The following SBK1 variants were observed in gnomAD, a reference collection of about 807,000 sequenced individuals.
SBK1 encodes SH3 domain binding kinase 1.
SBK1 carries 11 observed loss-of-function variants against 24.4 expected under a neutral mutation model. The ratio of observed to expected loss-of-function variants is 0.45; its 90% CI spans 0.28 to 0.75. The LOEUF is 0.75. SBK1 is among the 30% of genes least tolerant of loss of function. The pLI, the probability that SBK1 is intolerant of heterozygous loss-of-function variation, is 0.12. For missense variants in SBK1, 467 were observed against 620.5 expected (o/e 0.75, Z 2.63); for synonymous variants, 308 against 284.4 (o/e 1.08, Z -0.83).
At chr16:28,273,323 C>G (rs1271669084) in intron 1 of SBK1, among the ~76,000 whole-genome samples, 2 of 151,878 alleles carry the variant, frequency 1.3e-5, no homozygotes, top group Non-Finnish European at 2.9e-5. Flanking sequence ...TGGGTTCAAG[C>G]AATTCTCCTG....
intron 1 of SBK1, among the ~76,000 whole-genome samples, chr16:28,298,663 G>A (rs915328677): frequency 2.6e-5 from 4 of 152,246 alleles, no homozygotes; most frequent in African/African-American, 9.6e-5. Context: ...CTTCCCTGCC[G>A]GGGTATGCAA....
At chr16:28,280,767 C>T (rs570884298) in intron 1 of SBK1, among the ~76,000 whole-genome samples, 67 of 152,236 alleles carry the variant, frequency 4.4e-4, no homozygotes, top group Admixed American at 1.2e-3. Flanking sequence ...CGGATTCAAG[C>T]GATTCTCCTG....
At chr16:28,310,997 C>T (rs2044750607) in intron 1 of SBK1, among the ~76,000 whole-genome samples, 1 of 152,156 alleles carries the variant, frequency 6.6e-6, no homozygotes, top group Admixed American at 6.5e-5. Flanking sequence ...GCGGATGACG[C>T]AGAGGCAGGG....
In SBK1 at chr16:28,320,291, G is replaced by A. The variant is rs773388249; in HGVS notation, c.645G>A (p.Thr215=). 13 of 1,589,574 alleles carry A rather than the reference G, an allele frequency of 8.2e-6. No homozygotes were observed. In the South Asian group the frequency reaches 1.0e-4, roughly 12 times the overall value. The part of the protein sequence containing the change: ...VKRVSGTIPY[T]APEVCQAGRA... ...GCGTGAGCGGCACCATCCCTTACAC[G>A]GCGCCTGAGGTGTGCCAGGCGGGCC... Residue 215 remains threonine, a synonymous_variant, in exon 4 of 4, where the codon ACG becomes ACA. Coordinates refer to ENST00000341901, the MANE Select transcript of SBK1 (RefSeq NM_001024401.3). This position sits in a 1 kb window ranked among gnomAD's most constrained non-coding sequence, Gnocchi z 8.5.
intron 1 of SBK1, among the ~76,000 whole-genome samples, chr16:28,267,588 A>G (rs2044437687): frequency 1.3e-5 from 2 of 152,202 alleles, no homozygotes; most frequent in Admixed American, 6.6e-5. Flanking sequence ...AAGCAGTGAG[A>G]ACTAATCAAC....
intron 1 of SBK1, among the ~76,000 whole-genome samples, chr16:28,271,426 A>G (rs948743846): frequency 6.6e-6 from 1 of 152,066 alleles, no homozygotes; most frequent in Non-Finnish European, 1.5e-5. Context: ...GCATGGTGGC[A>G]CACGCCTGTA....
intron 1 of SBK1, among the ~76,000 whole-genome samples, chr16:28,280,194 TAC>T (rs1351348064): frequency 1.5e-5 from 2 of 130,348 alleles, no homozygotes; most frequent in African/African-American, 2.7e-5. Context: ...CATATATATG[TAC>T]ATATATGTAT....
chr16:28,313,864 G>A (rs2044771523), intron 1 of SBK1, among the ~76,000 whole-genome samples: 1 of 152,168 alleles, frequency 6.6e-6, no homozygotes, highest in Non-Finnish European at 1.5e-5. Context: ...CAGAGGAGGA[G>A]GAGAGGCTTG....
chr16:28,315,210 G>T (rs911887154), intron 1 of SBK1, among the ~76,000 whole-genome samples: 2 of 151,556 alleles, frequency 1.3e-5, no homozygotes, highest in Admixed American at 1.3e-4. Context: ...TGCCCAGAGT[G>T]GTTGCCTGGA....
At chr16:28,316,009 G>A (rs146612641) in intron 1 of SBK1, among the ~76,000 whole-genome samples, 5 of 152,102 alleles carry the variant, frequency 3.3e-5, no homozygotes, top group African/African-American at 9.6e-5. Context: ...CAAGTGATCC[G>A]CCCACTCAGC....
At chr16:28,304,664 G>A (rs1439658001) in intron 1 of SBK1, among the ~76,000 whole-genome samples, 1 of 151,870 alleles carries the variant, frequency 6.6e-6, no homozygotes, top group African/African-American at 2.4e-5. Flanking sequence ...CTGGAGTGCA[G>A]TGGCACAATC....
chr16:28,312,904 C>T (rs544031780), intron 1 of SBK1, among the ~76,000 whole-genome samples: 20 of 152,228 alleles, frequency 1.3e-4, no homozygotes, highest in Non-Finnish European at 2.6e-4. Context: ...GAGGCTGAGG[C>T]GGGCAGATCA....
chr16:28,285,304 C>G (rs1255568641), intron 1 of SBK1: 2 of 152,186 alleles, frequency 1.3e-5, no homozygotes, highest in African/African-American at 4.8e-5. Flanking sequence ...GCCTGTGATC[C>G]CAGCACTTTG....
At chr16:28,268,209 C>G (rs1391454745) in intron 1 of SBK1, among the ~76,000 whole-genome samples, 2 of 152,046 alleles carry the variant, frequency 1.3e-5, no homozygotes, top group African/African-American at 4.8e-5. Context: ...TCTTAAATAT[C>G]TAAATATAGT....
chr16:28,308,450 CTTTTTTTTTTTTTTTTTTTT>C (rs59880320), intron 1 of SBK1, among the ~76,000 whole-genome samples: 1 of 39,978 alleles, frequency 2.5e-5, no homozygotes, highest in Non-Finnish European at 4.1e-5. Flanking sequence ...CATGCTTGGG[CTTTTTTTTTTTTTTTTTTTT>C]TTTTTTTTTT....
chr16:28,287,286 C>CAAAAAAAAAAAAA (rs56232453), intron 1 of SBK1, among the ~76,000 whole-genome samples: 1 of 124,874 alleles, frequency 8.0e-6, no homozygotes, highest in Non-Finnish European at 1.7e-5. Flanking sequence ...ACTAAAAATA[C>CAAAAAAAAAAAAA]AAAAAAAAAA....
Position 28,319,236 on chromosome 16 carries a change from C to T in SBK1, c.429+39C>T, listed in dbSNP as rs901297118. On this transcript the variant is annotated intron_variant, in intron 3 of 3. Transcript: ENST00000341901. This position sits in a 1 kb window ranked among gnomAD's most constrained non-coding sequence, Gnocchi z 4.0. ...TGGCATAGGGTGGGGAAAGGGTCTTCAGGGTCCCAGAGTGTGAGAGTGGGA... is the reference window on the plus strand; with the variant it reads ...TGGCATAGGGTGGGGAAAGGGTCTTTAGGGTCCCAGAGTGTGAGAGTGGGA... 2 of 1,524,474 alleles carry T rather than the reference C, an allele frequency of 1.3e-6. No individual in the cohort carries two copies. Among genetic ancestry groups the T allele is most frequent in the Non-Finnish European group, 1.8e-6 (2 of 1,099,310 alleles). 94.4% of individuals were successfully genotyped at this position (1,524,474 alleles called of 1,614,324 possible).
intron 1 of SBK1, among the ~76,000 whole-genome samples, chr16:28,269,747 G>A (rs952845413): frequency 3.3e-5 from 5 of 150,718 alleles, no homozygotes; most frequent in African/African-American, 7.3e-5. Flanking sequence ...GTGGTGGCAC[G>A]CACCTGTAGT....
intron 1 of SBK1, among the ~76,000 whole-genome samples, chr16:28,272,278 C>T (rs752772523): frequency 2.4e-4 from 37 of 152,064 alleles, no homozygotes; most frequent in Non-Finnish European, 3.4e-4. Context: ...CTATGTTGTC[C>T]AGGCTGGTTT....
Sources: gnomAD v4.1 joint callset for allele counts (sites outside exome capture counted in the v4.1 genomes callset) on GRCh38, gnomAD v4.1.1 for gene constraint, Gnocchi (gnomAD v3.1) non-coding constraint, MANE v1.5 for transcripts, NCBI Gene and HGNC (gene_info 2026-07-23, HGNC 2026-07-21) for gene names.